Variants in LRMDA observed in about 807,000 individuals in gnomAD.
LRMDA encodes the protein leucine-rich melanocyte differentiation-associated protein.
In LRMDA, 18 loss-of-function variants were observed where a neutral mutation model predicts 29.8. The ratio of observed to expected loss-of-function variants is 0.60; its 90% CI spans 0.42 to 0.90. The LOEUF (loss-of-function observed/expected upper bound fraction) is 0.90. Ranked by LOEUF, LRMDA falls within the 40% of genes least tolerant of loss-of-function variation. LRMDA has a pLI of 0.00. For synonymous variants in LRMDA, 125 were observed against 109.4 expected (o/e 1.14, Z -0.89); for missense variants, 273 against 273.9 (o/e 1.00, Z 0.02).
At chr10:75,781,615 A>C (rs1843384927) in intron 2 of LRMDA, among the ~76,000 whole-genome samples, 1 of 152,176 alleles carries the variant, frequency 6.6e-6, no homozygotes, top group Admixed American at 6.5e-5. Context: ...GAGGGAAGCG[A>C]GGCTATAACT....
intron 2 of LRMDA, among the ~76,000 whole-genome samples, chr10:75,991,099 G>A (rs1359029670): frequency 6.6e-6 from 1 of 152,152 alleles, no homozygotes; most frequent in East Asian, 1.9e-4. Context: ...CTCTGTATAT[G>A]AGGCCTAAAG....
intron 5 of LRMDA, among the ~76,000 whole-genome samples, chr10:76,192,478 G>T (rs1244530175): frequency 2.0e-5 from 3 of 152,116 alleles, no homozygotes; most frequent in South Asian, 2.1e-4. Flanking sequence ...GTAATTTTAC[G>T]CATCTTAAGA....
chr10:76,235,506 C>T (rs1852135424), intron 5 of LRMDA, among the ~76,000 whole-genome samples: 1 of 151,842 alleles, frequency 6.6e-6, no homozygotes, highest in Non-Finnish European at 1.5e-5. Context: ...CTGTGAAGTG[C>T]AGTGGAATGA....
chr10:75,747,325 G>C (rs1225503498), intron 2 of LRMDA, among the ~76,000 whole-genome samples: 1 of 152,080 alleles, frequency 6.6e-6, no homozygotes, highest in East Asian at 1.9e-4. Flanking sequence ...ATAAAATACA[G>C]CCGCTAAGAG....
chr10:75,869,473 AATG>A (rs1845073713), intron 2 of LRMDA, among the ~76,000 whole-genome samples: 1 of 152,156 alleles, frequency 6.6e-6, no homozygotes, highest in Admixed American at 6.5e-5. Flanking sequence ...TCCATCCCAG[AATG>A]CATTTGTGGA....
At chr10:76,254,824 T>C (rs975345057) in intron 5 of LRMDA, among the ~76,000 whole-genome samples, 5 of 72,132 alleles carry the variant, frequency 6.9e-5, no homozygotes, top group African/African-American at 3.9e-4. Context: ...TCAAGTTCAT[T>C]TTATTTTAGA....
intron 2 of LRMDA, among the ~76,000 whole-genome samples, chr10:76,007,534 G>A (rs1057430036): frequency 1.3e-5 from 2 of 152,144 alleles, no homozygotes; most frequent in Non-Finnish European, 2.9e-5. Context: ...ATTTACTGTG[G>A]TGCTGAAAGC....
intron 5 of LRMDA, among the ~76,000 whole-genome samples, chr10:76,177,148 T>C (rs980860707): frequency 6.6e-6 from 1 of 152,194 alleles, no homozygotes; most frequent in Non-Finnish European, 1.5e-5. Context: ...CCATGCAGTG[T>C]CGCCATCCCA....
At chr10:76,034,938 C>T (rs1173705324) in intron 2 of LRMDA, among the ~76,000 whole-genome samples, 2 of 152,050 alleles carry the variant, frequency 1.3e-5, no homozygotes, top group Admixed American at 6.6e-5. Flanking sequence ...GCCCCTCTGC[C>T]GGCCGGCTTG....
chr10:75,899,406 T>C (rs1297565220), intron 2 of LRMDA, among the ~76,000 whole-genome samples: 1 of 152,248 alleles, frequency 6.6e-6, no homozygotes, highest in East Asian at 1.9e-4. Flanking sequence ...GTGCCCAGTG[T>C]GCTACGTAAA....
chr10:75,994,548 C>G (rs1336816338), intron 2 of LRMDA, among the ~76,000 whole-genome samples: 1 of 152,158 alleles, frequency 6.6e-6, no homozygotes, highest in African/African-American at 2.4e-5. Context: ...GTGCCGGGAG[C>G]AGGAGAGGGA....
intron 2 of LRMDA, among the ~76,000 whole-genome samples, chr10:75,842,178 A>G (rs1324428363): frequency 1.3e-5 from 2 of 152,264 alleles, no homozygotes; most frequent in Non-Finnish European, 2.9e-5. Flanking sequence ...ATTTTAAATC[A>G]TGGAGAAAAA....
chr10:76,321,450 T>A lies in LRMDA; in HGVS notation c.517-2951T>A, dbSNP rs1840769429. Among the ~76,000 whole-genome samples, 3 of 152,232 alleles carry A rather than the reference T, an allele frequency of 2.0e-5. No homozygotes were observed. In the South Asian group the frequency reaches 6.2e-4, roughly 32 times the overall value. The stretch of plus-strand genomic sequence containing the variant: ...TAGTAAATTTCAGCAACTTCTCTTA[T>A]GTTTATTGACTGTTCAGGTTTTCTC... On this transcript the variant is annotated intron_variant, in intron 5 of 6. Coordinates refer to ENST00000611255, the MANE Select transcript of LRMDA (RefSeq NM_001305581.2).
intron 2 of LRMDA, among the ~76,000 whole-genome samples, chr10:75,662,937 C>T (rs981901933): frequency 6.6e-6 from 1 of 152,180 alleles, no homozygotes; most frequent in Non-Finnish European, 1.5e-5. Flanking sequence ...GGGTGCCTTG[C>T]GTAACCATGG....
chr10:76,000,626 G>A (rs541640961), intron 2 of LRMDA, among the ~76,000 whole-genome samples: 1 of 152,300 alleles, frequency 6.6e-6, no homozygotes, highest in South Asian at 2.1e-4. Context: ...AAGACATATG[G>A]TGGGCTGCAG....
chr10:76,223,123 G>C (rs563202695), intron 5 of LRMDA, among the ~76,000 whole-genome samples: 2 of 151,764 alleles, frequency 1.3e-5, no homozygotes, highest in East Asian at 3.9e-4. Context: ...TTGTGGGGTG[G>C]GGGGAGTGGG....
intron 2 of LRMDA, among the ~76,000 whole-genome samples, chr10:75,458,888 TA>T (rs893233155): frequency 3.1e-4 from 47 of 151,912 alleles, no homozygotes; most frequent in African/African-American, 1.0e-3. Flanking sequence ...TTTACAACCA[TA>T]AAAAAAACTC....
intron 2 of LRMDA, among the ~76,000 whole-genome samples, chr10:75,706,150 A>G (rs946813373): frequency 1.4e-4 from 22 of 152,174 alleles, no homozygotes; most frequent in Non-Finnish European, 3.1e-4. Context: ...TGAAGACTGC[A>G]TACTATTCTA....
intron 6 of LRMDA, among the ~76,000 whole-genome samples, chr10:76,425,751 C>G (rs529784972): frequency 2.0e-5 from 3 of 146,932 alleles, no homozygotes; most frequent in Non-Finnish European, 3.0e-5. Flanking sequence ...ATCCCTTCCC[C>G]CTCCCTCCAC....
Sources: gnomAD v4.1 joint callset for allele counts (sites outside exome capture counted in the v4.1 genomes callset) on GRCh38, gnomAD v4.1.1 for gene constraint, MANE v1.5 for transcripts, NCBI Gene and HGNC (gene_info 2026-07-23, HGNC 2026-07-21) for gene names.